Variants in SEMA3A observed in about 807,000 individuals in gnomAD.
The protein encoded by SEMA3A is semaphorin-3A.
In SEMA3A, 29 loss-of-function variants were observed where a neutral mutation model predicts 97.9. The ratio of observed to expected loss-of-function variants is 0.30; its 90% CI spans 0.22 to 0.40. The LOEUF is 0.40. SEMA3A is among the 10% of genes least tolerant of loss of function. The pLI is 1.00. For synonymous variants in SEMA3A, 321 were observed against 323.7 expected, an observed-to-expected ratio of 0.99 and a Z score of 0.09; for missense variants, 763 against 951.3, an observed-to-expected ratio of 0.80 and a Z score of 2.60.
At chr7:84,209,477 G>A (rs1055331798) in intron 3 of SEMA3A, among the ~76,000 whole-genome samples, 1 of 152,160 alleles carries the variant, frequency 6.6e-6, no homozygotes, top group African/African-American at 2.4e-5. Context: ...TTGAGTTAAT[G>A]AATTTCTTGG....
At chr7:84,102,588 C>CTTTTTTTTTT (rs3074757) in intron 4 of SEMA3A, among the ~76,000 whole-genome samples, 2 of 96,846 alleles carry the variant, frequency 2.1e-5, no homozygotes, top group Non-Finnish European at 3.9e-5. Flanking sequence ...TGCATTATCG[C>CTTTTTTTTTT]TTTTTTTTTT....
intron 3 of SEMA3A, among the ~76,000 whole-genome samples, chr7:84,283,768 T>C (rs1050998878): frequency 2.0e-5 from 3 of 152,182 alleles, no homozygotes; most frequent in African/African-American, 7.2e-5. Context: ...ACTGATTCAC[T>C]GATCTTAGTT....
chr7:84,105,823 C>A (rs1418697699), intron 4 of SEMA3A, among the ~76,000 whole-genome samples: 1 of 152,256 alleles, frequency 6.6e-6, no homozygotes, highest in East Asian at 1.9e-4. Context: ...ATGCTGAGAG[C>A]TTAAACTCCA....
chr7:84,182,922 T>C (rs1173532816), intron 1 of SEMA3A, among the ~76,000 whole-genome samples: 1 of 152,122 alleles, frequency 6.6e-6, no homozygotes, highest in African/African-American at 2.4e-5. Flanking sequence ...AGACACACAC[T>C]ACACATAAAA....
At chr7:84,477,836 C>A (rs185239844) in intron 1 of SEMA3A, among the ~76,000 whole-genome samples, 1 of 152,114 alleles carries the variant, frequency 6.6e-6, no homozygotes, top group Non-Finnish European at 1.5e-5. Flanking sequence ...ATGCAATTTC[C>A]GTGAAAGTTA....
intron 1 of SEMA3A, among the ~76,000 whole-genome samples, chr7:84,408,966 G>A (rs1804185350): frequency 6.6e-6 from 1 of 151,636 alleles, no homozygotes; most frequent in Admixed American, 6.6e-5. Flanking sequence ...ATTGGGTGCA[G>A]CACACCAACA....
At chr7:84,150,798 A>C (rs1796630526) in intron 1 of SEMA3A, among the ~76,000 whole-genome samples, 2 of 152,014 alleles carry the variant, frequency 1.3e-5, no homozygotes, top group Non-Finnish European at 2.9e-5. Context: ...GGCACAGACA[A>C]ACAAAAAGAC....
At chr7:84,335,871 T>C (rs181970804) in intron 2 of SEMA3A, among the ~76,000 whole-genome samples, 8 of 152,256 alleles carry the variant, frequency 5.3e-5, no homozygotes, top group African/African-American at 1.9e-4. Context: ...TTTTACTTAA[T>C]ATATTAAATT....
chr7:84,081,632 T>A (rs907946089), intron 4 of SEMA3A, among the ~76,000 whole-genome samples: 1 of 150,430 alleles, frequency 6.6e-6, no homozygotes, highest in African/African-American at 2.4e-5. Context: ...CCCAAGCTTA[T>A]GTGTTATCAA....
intron 1 of SEMA3A, among the ~76,000 whole-genome samples, chr7:84,391,179 C>A: frequency 6.6e-6 from 1 of 152,168 alleles, no homozygotes; most frequent in Admixed American, 6.5e-5. Flanking sequence ...ATAGGACAAA[C>A]CTTCTAGCAA....
chr7:84,226,902 C>A (rs1346149789), intron 3 of SEMA3A, among the ~76,000 whole-genome samples: 1 of 151,944 alleles, frequency 6.6e-6, no homozygotes, highest in Admixed American at 6.6e-5. Flanking sequence ...TATAGAGATG[C>A]CATTAAAAAC....
intron 6 of SEMA3A, among the ~76,000 whole-genome samples, chr7:84,031,495 G>A (rs1369786286): frequency 6.6e-6 from 1 of 152,182 alleles, no homozygotes; most frequent in Admixed American, 6.5e-5. Flanking sequence ...CTAAGCAATG[G>A]AAAAACAAAA....
At chr7:84,464,121 C>T (rs972813275) in intron 1 of SEMA3A, among the ~76,000 whole-genome samples, 1 of 152,120 alleles carries the variant, frequency 6.6e-6, no homozygotes, top group African/African-American at 2.4e-5. Context: ...TCCTTTTAAG[C>T]TCAGGAGAGA....
chr7:84,406,029 G>A (rs1197724926), intron 1 of SEMA3A, among the ~76,000 whole-genome samples: 1 of 151,986 alleles, frequency 6.6e-6, no homozygotes, highest in Non-Finnish European at 1.5e-5. Context: ...GCTAGCAGAA[G>A]GCGAGAAATA....
At chr7:84,042,643 C>T (rs1792177019) in intron 6 of SEMA3A, among the ~76,000 whole-genome samples, 1 of 152,000 alleles carries the variant, frequency 6.6e-6, no homozygotes, top group Non-Finnish European at 1.5e-5. Flanking sequence ...TTTTCCACAA[C>T]AACTATAGGA....
At chr7:84,305,432 C>T (rs1176764161) in intron 3 of SEMA3A, among the ~76,000 whole-genome samples, 1 of 151,794 alleles carries the variant, frequency 6.6e-6, no homozygotes, top group Non-Finnish European at 1.5e-5. Flanking sequence ...AAAATTTCAT[C>T]AGATTTTAGT....
intron 2 of SEMA3A, among the ~76,000 whole-genome samples, chr7:84,359,730 T>A (rs1802661815): frequency 6.6e-6 from 1 of 152,202 alleles, no homozygotes; most frequent in African/African-American, 2.4e-5. Flanking sequence ...CTCCTCCTTG[T>A]ACCTCTGGTA....
At chr7:84,130,195 C>T (rs913085605) in intron 2 of SEMA3A, among the ~76,000 whole-genome samples, 4 of 151,998 alleles carry the variant, frequency 2.6e-5, no homozygotes, top group Non-Finnish European at 5.9e-5. Context: ...CTTAATCATT[C>T]ATGTCTGCTG....
chr7:84,078,150 T>C (rs953158986), intron 4 of SEMA3A, among the ~76,000 whole-genome samples: 2 of 152,056 alleles, frequency 1.3e-5, no homozygotes, highest in Admixed American at 6.6e-5. Context: ...TAAATACTTT[T>C]TACAATGACC....
Sources: gnomAD v4.1 joint callset for allele counts (sites outside exome capture counted in the v4.1 genomes callset) on GRCh38, gnomAD v4.1.1 for gene constraint, MANE v1.5 for transcripts, NCBI Gene and HGNC (gene_info 2026-07-23, HGNC 2026-07-21) for gene names.